The following SYNDIG1 variants were observed in gnomAD, a reference collection of about 807,000 sequenced individuals.
SYNDIG1 encodes the protein synapse differentiation inducing 1.
SYNDIG1 carries 9 observed loss-of-function variants against 19.4 expected under a neutral mutation model. The observed-to-expected ratio is 0.46, with a 90% confidence interval of 0.28 to 0.81. The LOEUF is 0.81. Among genes scored for constraint, SYNDIG1 ranks in the 30% least tolerant of loss-of-function variants. The pLI is 0.12. For missense variants in SYNDIG1, 311 were observed against 343.3 expected (o/e 0.91, Z 0.74); for synonymous variants, 141 against 145.9 (o/e 0.97, Z 0.24).
intron 3 of SYNDIG1, 110 bp downstream of exon 3, chr20:24,585,103 C>A: frequency 1.4e-6 from 2 of 1,409,736 alleles, no homozygotes; most frequent in Non-Finnish European, 1.9e-6. Flanking sequence ...ACAGCTCCTG[C>A]TACAGCTGGG....
At position 24,479,676 on chromosome 20, in the gene SYNDIG1, C is replaced by T. The variant is rs981935083; in HGVS notation, c.-79+9923C>T. ...CCACCCTTGGCCCCATATGCACACT[C>T]ATCTCTTGCCAGATCATCTCAGTAC... On this transcript the variant is annotated intron_variant, in intron 1 of 3. Transcript: ENST00000376862. 2.6e-5 allele frequency among the ~76,000 whole-genome samples: 4 copies of T among 152,228 alleles called. No homozygotes were observed. In the South Asian group the frequency reaches 6.2e-4, roughly 24 times the overall value.
intron 1 of SYNDIG1, among the ~76,000 whole-genome samples, chr20:24,498,977 A>G (rs868308072): frequency 6.6e-6 from 1 of 152,276 alleles, no homozygotes; most frequent in African/African-American, 2.4e-5. Context: ...CAGTGGCTAC[A>G]CCAGTCAGTA....
chr20:24,599,804 G>A (rs73345329), intron 3 of SYNDIG1, among the ~76,000 whole-genome samples: 30,286 of 152,212 alleles, frequency 0.2, 3,698 homozygotes, highest in Admixed American at 0.35. Context: ...ATAGAGAGTG[G>A]AAAGATAGAT....
At chr20:24,587,770 T>C (rs1467346290) in intron 3 of SYNDIG1, among the ~76,000 whole-genome samples, 1 of 152,196 alleles carries the variant, frequency 6.6e-6, no homozygotes, top group Non-Finnish European at 1.5e-5. Context: ...GCAAAGAGCA[T>C]GTTGGTGGAG....
chr20:24,574,922 G>T (rs2058203468), intron 2 of SYNDIG1, among the ~76,000 whole-genome samples: 3 of 152,220 alleles, frequency 2.0e-5, no homozygotes, highest in African/African-American at 7.2e-5. Flanking sequence ...AAATACATTT[G>T]TGCTTTACCC....
intron 2 of SYNDIG1, among the ~76,000 whole-genome samples, chr20:24,575,463 C>T (rs1032455946): frequency 1.3e-5 from 2 of 152,184 alleles, no homozygotes; most frequent in Admixed American, 1.3e-4. Flanking sequence ...AAACTGGGAG[C>T]TTCCAAAAGA....
chr20:24,655,198 A>G (rs1476885097), intron 3 of SYNDIG1, among the ~76,000 whole-genome samples: 1 of 152,254 alleles, frequency 6.6e-6, no homozygotes, highest in Non-Finnish European at 1.5e-5. Context: ...AGGAATTAAT[A>G]GATTATCTGA....
chr20:24,545,341 A>G (rs550053729), intron 2 of SYNDIG1, among the ~76,000 whole-genome samples: 2 of 152,238 alleles, frequency 1.3e-5, no homozygotes, highest in African/African-American at 4.8e-5. Context: ...GCAGCTGTGG[A>G]AAGTTGGGAG....
At chr20:24,611,645 A>G (rs1266217852) in intron 3 of SYNDIG1, among the ~76,000 whole-genome samples, 3 of 144,712 alleles carry the variant, frequency 2.1e-5, no homozygotes, top group Non-Finnish European at 4.5e-5. Flanking sequence ...CCACCCCTCC[A>G]GGAGCCCCTC....
chr20:24,615,079 G>A (rs2058909281), intron 3 of SYNDIG1, among the ~76,000 whole-genome samples: 1 of 152,222 alleles, frequency 6.6e-6, no homozygotes, highest in African/African-American at 2.4e-5. Flanking sequence ...ATTTGTACAT[G>A]TTTGTTGAAA....
chr20:24,612,687 T>C (rs183254722), intron 3 of SYNDIG1, among the ~76,000 whole-genome samples: 367 of 152,358 alleles, frequency 2.4e-3, no homozygotes, highest in Non-Finnish European at 3.7e-3. Flanking sequence ...CATAGAATTA[T>C]AATAGCTCTT....
chr20:24,559,426 A>G lies in SYNDIG1; in HGVS notation c.480+15849A>G, dbSNP rs559804925. On this transcript the variant is annotated intron_variant, in intron 2 of 3. Coordinates refer to ENST00000376862, the MANE Select transcript of SYNDIG1 (RefSeq NM_024893.3). ...ATTTATGCATGTCATAAAAGTGCAC[A>G]TGTACTCCATAAATGTGTACAAATA... Among the ~76,000 whole-genome samples, 4 of 152,206 alleles carry G rather than the reference A, an allele frequency of 2.6e-5. No homozygotes were observed. In the East Asian group the frequency reaches 7.7e-4, roughly 29 times the overall value.
chr20:24,533,688 G>C (rs1186656398), intron 1 of SYNDIG1, among the ~76,000 whole-genome samples: 1 of 152,154 alleles, frequency 6.6e-6, no homozygotes, highest in Admixed American at 6.5e-5. Context: ...CCAGGACAAA[G>C]GTGCTGGGTG....
chr20:24,570,115 T>C (rs1300575662), intron 2 of SYNDIG1, among the ~76,000 whole-genome samples: 2 of 152,214 alleles, frequency 1.3e-5, no homozygotes, highest in African/African-American at 4.8e-5. Flanking sequence ...TCTGGCAGAG[T>C]TGATTTACTG....
At chr20:24,479,738 T>A (rs2055742764) in intron 1 of SYNDIG1, among the ~76,000 whole-genome samples, 1 of 152,188 alleles carries the variant, frequency 6.6e-6, no homozygotes, top group Non-Finnish European at 1.5e-5. Flanking sequence ...GCATTGTGCC[T>A]CTTGCCTCCA....
intron 1 of SYNDIG1, among the ~76,000 whole-genome samples, chr20:24,532,400 GT>G (rs1398829026): frequency 6.6e-6 from 1 of 152,162 alleles, no homozygotes; most frequent in Non-Finnish European, 1.5e-5. Flanking sequence ...TATATGAAAT[GT>G]CCAGAATAGG....
At chr20:24,557,315 A>C (rs1483146361) in intron 2 of SYNDIG1, among the ~76,000 whole-genome samples, 2 of 152,344 alleles carry the variant, frequency 1.3e-5, no homozygotes, top group Middle Eastern at 3.4e-3. Flanking sequence ...CGTCAAAGTC[A>C]TTCTCCGTCC....
At chr20:24,594,466 C>A (rs549643435) in intron 3 of SYNDIG1, among the ~76,000 whole-genome samples, 71 of 152,248 alleles carry the variant, frequency 4.7e-4, no homozygotes, top group African/African-American at 1.7e-3. Flanking sequence ...CATGATGCCT[C>A]CAGCTTTATT....
intron 2 of SYNDIG1, among the ~76,000 whole-genome samples, chr20:24,554,254 G>A (rs1600606853): frequency 6.6e-6 from 1 of 152,154 alleles, no homozygotes; most frequent in Admixed American, 6.5e-5. Context: ...TCTGCAAACA[G>A]GGACAATTTG....
Sources: gnomAD v4.1 joint callset for allele counts (sites outside exome capture counted in the v4.1 genomes callset) on GRCh38, gnomAD v4.1.1 for gene constraint, MANE v1.5 for transcripts, NCBI Gene and HGNC (gene_info 2026-07-23, HGNC 2026-07-21) for gene names.